Variants in ZFP64 observed in about 807,000 individuals in gnomAD.
The protein encoded by ZFP64 is ZFP64 zinc finger protein.
Under a neutral mutation model 51.6 loss-of-function variants are expected in ZFP64, and 14 were observed. The observed-to-expected ratio is 0.27, with a 90% CI of 0.18 to 0.42. ZFP64 has a LOEUF of 0.42. Among genes scored for constraint, ZFP64 ranks in the 10% least tolerant of loss-of-function variants. ZFP64 has a pLI of 1.00. For synonymous variants in ZFP64, 375 were observed against 361.4 expected (o/e 1.04, Z -0.43); for missense variants, 754 against 906.8 (o/e 0.83, Z 2.16).
chr20:52,092,861 A>C (rs1006419643), intron 7 of ZFP64, among the ~76,000 whole-genome samples: 1 of 152,174 alleles, frequency 6.6e-6, no homozygotes, highest in African/African-American at 2.4e-5. Context: ...CTCAAAAACA[A>C]AACAAAAAAA....
chr20:52,160,291 C>G lies in ZFP64; in HGVS notation c.595G>C (p.Gly199Arg). ...GTCTTACACTTGTAGGGCTTCACGC[C>G]CGTGTGGCACCGCATGTGAGTTTTC... ...KLKTHMRCHT[G>R]VKPYKCKTCD... Residue 199 changes from glycine (G) to arginine (R), a missense_variant, in exon 5 of 6, where the codon GGC (glycine) becomes CGC (arginine). Gly to Arg is a moderately radical substitution (Grantham distance 125). Around this residue, in one of 3 missense-constraint regions of ZFP64, gnomAD observed 231 missense variants for 336.7 expected, o/e 0.69. Coordinates refer to ENST00000216923, the MANE Select transcript of ZFP64 (RefSeq NM_018197.3). This position sits in a 1 kb window ranked among gnomAD's most constrained non-coding sequence, Gnocchi z 4.2. 1 of 1,614,222 alleles carries G rather than the reference C, an allele frequency of 6.2e-7. No homozygotes were observed. Among genetic ancestry groups the G allele is most frequent in the South Asian group, 1.1e-5 (1 of 91,090 alleles).
chr20:52,085,046 C>T lies in ZFP64; in HGVS notation c.1449G>A (p.Leu483=), dbSNP rs2078849681. The change falls in exon 9 of 9, where the codon CTG becomes CTA. Residue 483 remains leucine (L), a synonymous_variant. Coordinates refer to the ZFP64 transcript ENST00000361387. The surrounding 1 kb of genome is among the most constrained non-coding windows in gnomAD (Gnocchi z 4.3). ...CGGCCTGGTGCAGCCGGCTGTGCTCCAGGAGGTCAGCCCGGTCCCGGCCCT... is the reference window on the plus strand; with the variant it reads ...CGGCCTGGTGCAGCCGGCTGTGCTCTAGGAGGTCAGCCCGGTCCCGGCCCT... 1 of 1,614,148 alleles carries T rather than the reference C, an allele frequency of 6.2e-7. No individual in the cohort carries two copies. The highest frequency in any genetic ancestry group is 1.3e-5 in the African/African-American group (1 of 75,074).
At chr20:52,183,890 C>G (rs1223879419) in intron 2 of ZFP64, among the ~76,000 whole-genome samples, 2 of 152,196 alleles carry the variant, frequency 1.3e-5, no homozygotes, top group Non-Finnish European at 2.9e-5. Context: ...ATCTCACTCA[C>G]TCTGTTGCCC....
chr20:52,147,921 T>A (rs1407083397), downstream of ZFP64, among the ~76,000 whole-genome samples: 3 of 152,100 alleles, frequency 2.0e-5, no homozygotes, highest in African/African-American at 7.2e-5. Context: ...CTCAAGAGGC[T>A]GAAGTGGGAG....
chr20:52,155,518 T>G (rs1981245755), intron 5 of ZFP64, among the ~76,000 whole-genome samples: 1 of 152,202 alleles, frequency 6.6e-6, no homozygotes, highest in South Asian at 2.1e-4. Flanking sequence ...GACAGTCTTT[T>G]TTCACTTTTT....
At chr20:52,144,782 G>A (rs1196524480) in intron 5 of ZFP64, among the ~76,000 whole-genome samples, 1 of 151,636 alleles carries the variant, frequency 6.6e-6, no homozygotes, top group Admixed American at 6.6e-5. Flanking sequence ...GAAAGGTGGT[G>A]GACCCCCAAA....
At chr20:52,126,187 C>G (rs555672317) in intron 5 of ZFP64, among the ~76,000 whole-genome samples, 3 of 152,166 alleles carry the variant, frequency 2.0e-5, no homozygotes, top group Non-Finnish European at 4.4e-5. Context: ...CATGAACCAG[C>G]GTGCCCGGCC....
chr20:52,110,596 C>A, intron 5 of ZFP64: 1 of 743,916 alleles, frequency 1.3e-6, no homozygotes, highest in South Asian at 1.7e-5. Flanking sequence ...GAGGGCCTAG[C>A]GGGCCTCCAC....
intron 7 of ZFP64, chr20:52,088,706 C>A (rs2078890143): frequency 1.9e-6 from 3 of 1,608,150 alleles, no homozygotes; most frequent in Non-Finnish European, 2.5e-6. Flanking sequence ...AAAGATTTGA[C>A]CAAGATGATA....
chr20:52,144,578 CA>C lies in ZFP64; in HGVS notation c.763+15544del, dbSNP rs1156545584. Among the ~76,000 whole-genome samples, 204 of 23,306 alleles carry C rather than the reference CA, an allele frequency of 8.8e-3. 1 individual carries two copies. Among genetic ancestry groups the C allele is most frequent in the African/African-American group, 0.028 (154 of 5,524 alleles). The allele number at this position is 23,306 out of a possible 152,430, so 15.3% of individuals were successfully genotyped here. A position where few individuals can be genotyped will look rare whatever the true frequency, so the allele number is the denominator to read the frequency against. On this transcript the variant is annotated intron_variant, in intron 5 of 8. Transcript: ENST00000361387. Reference sequence around the variant, plus strand: ...CTGGTGACAGAGCGAGACTCCGTCTCAAAAAAAAAAAAAAAAAAAAAAAATG... The same window carrying C: ...CTGGTGACAGAGCGAGACTCCGTCTCAAAAAAAAAAAAAAAAAAAAAAATG...
chr20:52,126,400 C>T (rs1979447517), intron 5 of ZFP64, among the ~76,000 whole-genome samples: 1 of 152,182 alleles, frequency 6.6e-6, no homozygotes, highest in South Asian at 2.1e-4. Flanking sequence ...TTACCCTCTA[C>T]TGTCAATCAT....
chr20:52,085,174 G>GCTTCTCCCC lies in ZFP64; in HGVS notation c.1312_1320dup (p.Gly438_Lys440dup). ...ACGTCGCAGAACTCGCACTTGAAAGGCTTCTCCCCCGAGTGCACGATCATG... is the reference window on the plus strand; with the variant it reads ...ACGTCGCAGAACTCGCACTTGAAAGGCTTCTCCCCCTTCTCCCCCGAGTGCACGATCATG... On this transcript the variant is annotated inframe_insertion, in exon 9 of 9. Coordinates refer to the ZFP64 transcript ENST00000361387. The surrounding 1 kb of genome is among the most constrained non-coding windows in gnomAD (Gnocchi z 4.3). The GCTTCTCCCC allele has an allele frequency of 6.2e-7, 1 of 1,614,224 alleles. No individual in the cohort carries two copies.
At chr20:52,155,139 G>A (rs1408088341) in intron 5 of ZFP64, among the ~76,000 whole-genome samples, 1 of 152,190 alleles carries the variant, frequency 6.6e-6, no homozygotes, top group African/African-American at 2.4e-5. Flanking sequence ...TTTCATTAAT[G>A]AATTCAAGAA....
In ZFP64 at chr20:52,085,059, C is replaced by T. The variant is rs757407461; in HGVS notation, c.1436G>A (p.Arg479Gln). The change falls in exon 9 of 9, where the codon CGG becomes CAG. Residue 479 changes from arginine (R) to glutamine (Q), a missense_variant. Coordinates refer to the ZFP64 transcript ENST00000361387. The surrounding 1 kb of genome is among the most constrained non-coding windows in gnomAD (Gnocchi z 4.3). ...CCGGCTGTGCTCCAGGAGGTCAGCC[C>T]GGTCCCGGCCCTGGAAGGCACAGTG... 1.2e-6 allele frequency: 2 copies of T among 1,614,058 alleles called. No individual in the cohort carries two copies. Among genetic ancestry groups the T allele is most frequent in the East Asian group, 2.2e-5 (1 of 44,894 alleles).
intron 5 of ZFP64, among the ~76,000 whole-genome samples, chr20:52,133,562 A>C (rs1296436450): frequency 6.6e-6 from 1 of 152,216 alleles, no homozygotes; most frequent in Non-Finnish European, 1.5e-5. Context: ...TCTATACGCC[A>C]ACAGTGAACA....
chr20:52,097,120 A>C lies in ZFP64; in HGVS notation c.976+253T>G, dbSNP rs770691665. On this transcript the variant is annotated intron_variant, in intron 7 of 8. Transcript: ENST00000361387. ...CTCAGCAGCTGGCTGCCCTAAAAAA[A>C]AAAGCACCTTTAAGAAGCCACCTTA... 3.4e-5 allele frequency: 26 copies of C among 761,514 alleles called. No individual in the cohort carries two copies. In the Admixed American group the frequency reaches 4.4e-4, roughly 13 times the overall value. 47.2% of individuals were successfully genotyped at this position (761,514 alleles called of 1,614,324 possible).
At chr20:52,161,446 C>CTTTTT (rs1236301796) in intron 4 of ZFP64, among the ~76,000 whole-genome samples, 3 of 127,718 alleles carry the variant, frequency 2.3e-5, no homozygotes, top group Admixed American at 1.7e-4. Context: ...CTTGTGATTG[C>CTTTTT]TTTCTTTTTT....
intron 5 of ZFP64, among the ~76,000 whole-genome samples, chr20:52,144,578 CAAA>C (rs1156545584): frequency 0.052 from 1,205 of 23,262 alleles, 26 homozygotes; most frequent in African/African-American, 0.21. Flanking sequence ...GACTCCGTCT[CAAA>C]AAAAAAAAAA....
At chr20:52,174,953 T>C (rs1983064780) in intron 2 of ZFP64, among the ~76,000 whole-genome samples, 1 of 152,224 alleles carries the variant, frequency 6.6e-6, no homozygotes, top group Non-Finnish European at 1.5e-5. Flanking sequence ...TGCATTTCCT[T>C]TACATGTAAT....
Sources: allele counts gnomAD v4.1 joint callset (sites outside exome capture counted in the v4.1 genomes callset), GRCh38; gene constraint gnomAD v4.1.1; regional missense constraint gnomAD v4.1.1; non-coding constraint Gnocchi (gnomAD v3.1); transcripts MANE v1.5; gene names NCBI Gene and HGNC (gene_info 2026-07-23, HGNC 2026-07-21).